SPDYA: variants seen among roughly 807,000 people sequenced by gnomAD.
SPDYA encodes speedy protein A.
In SPDYA, 11 loss-of-function variants were observed where a neutral mutation model predicts 36.7. The ratio of observed to expected loss-of-function variants is 0.30; its 90% CI spans 0.19 to 0.50. SPDYA has a LOEUF of 0.50. SPDYA is among the 20% of genes least tolerant of loss of function. The pLI is 0.98. For synonymous variants in SPDYA, 115 were observed against 118.7 expected, an observed-to-expected ratio of 0.97 and a Z score of 0.20; for missense variants, 287 against 370.9, an observed-to-expected ratio of 0.77 and a Z score of 1.86.
rs559349658 is a variant in SPDYA at position 28,832,944 on chromosome 2, G to A, written c.552+3625G>A. On this transcript the variant is annotated intron_variant, in intron 6 of 7. Transcript: ENST00000334056. The stretch of plus-strand genomic sequence containing the variant: ...CAGCCTTAACCTCCTAGACTCAAGC[G>A]ATCTCCTGCCTTAGCCTCCCAAGTA... Among the ~76,000 whole-genome samples, 12 of 149,760 alleles carry A rather than the reference G, an allele frequency of 8.0e-5. No homozygotes were observed. In the South Asian group the frequency reaches 8.5e-4, roughly 11 times the overall value.
chr2:28,825,117 G>A (rs1373059227), intron 5 of SPDYA, among the ~76,000 whole-genome samples: 3 of 152,170 alleles, frequency 2.0e-5, no homozygotes, highest in East Asian at 3.8e-4. Context: ...AAGCAGCAAA[G>A]CAGGGGCACA....
chr2:28,830,099 A>T (rs1668442704), intron 6 of SPDYA, among the ~76,000 whole-genome samples: 1 of 151,872 alleles, frequency 6.6e-6, no homozygotes, highest in Admixed American at 6.6e-5. Context: ...AGATGGTGCC[A>T]CTGTACTCCA....
chr2:28,825,030 AT>A (rs1668284032), intron 5 of SPDYA, among the ~76,000 whole-genome samples: 1 of 152,192 alleles, frequency 6.6e-6, no homozygotes, highest in Admixed American at 6.5e-5. Context: ...TATGAAATAA[AT>A]TTTTTATTAT....
chr2:28,819,919 G>A (rs1483732974), intron 4 of SPDYA, among the ~76,000 whole-genome samples: 3 of 126,980 alleles, frequency 2.4e-5, no homozygotes, highest in East Asian at 2.2e-4. Flanking sequence ...CCTGAGGCAG[G>A]AGGATTGCTT....
At chr2:28,819,277 G>A (rs1314092540) in intron 4 of SPDYA, among the ~76,000 whole-genome samples, 171 bp downstream of exon 4, 1 of 152,164 alleles carries the variant, frequency 6.6e-6, no homozygotes, top group East Asian at 1.9e-4. Flanking sequence ...GGGAGGCTGA[G>A]GTGGGTGGAT....
chr2:28,816,402 C>CA (rs1667984646), intron 3 of SPDYA, among the ~76,000 whole-genome samples, 153 bp downstream of exon 3: 1 of 150,432 alleles, frequency 6.6e-6, no homozygotes, highest in African/African-American at 2.4e-5. Flanking sequence ...TTTACTTAGT[C>CA]TTTTTTTTTC....
chr2:28,845,876 A>C (rs1263989245), intron 7 of SPDYA, among the ~76,000 whole-genome samples: 10 of 152,066 alleles, frequency 6.6e-5, no homozygotes, highest in African/African-American at 2.4e-4. Context: ...TAATCACCTT[A>C]TATATGTATT....
intron 5 of SPDYA, among the ~76,000 whole-genome samples, chr2:28,827,063 C>T (rs1003523090): frequency 6.6e-6 from 1 of 151,572 alleles, no homozygotes; most frequent in Non-Finnish European, 1.5e-5. Context: ...CTCAGCCTCC[C>T]GAGTAGCTGG....
intron 5 of SPDYA, among the ~76,000 whole-genome samples, chr2:28,827,432 C>G (rs1410372963): frequency 1.3e-5 from 2 of 152,070 alleles, no homozygotes; most frequent in Admixed American, 1.3e-4. Flanking sequence ...ATTATCTTTA[C>G]TGGAAATAGT....
At chr2:28,812,792 G>A (rs1379986804) in intron 1 of SPDYA, among the ~76,000 whole-genome samples, 1 of 145,448 alleles carries the variant, frequency 6.9e-6, no homozygotes, top group East Asian at 2.0e-4. Context: ...AGGAGGCGGA[G>A]GTTGCAGTGA....
intron 6 of SPDYA, among the ~76,000 whole-genome samples, chr2:28,839,798 G>GACCTGTCT (rs1668705834): frequency 6.6e-6 from 1 of 152,110 alleles, no homozygotes; most frequent in South Asian, 2.1e-4. Context: ...CACCGCGCCC[G>GACCTGTCT]GCCAATTAAC....
chr2:28,833,590 C>T (rs536265853), intron 6 of SPDYA, among the ~76,000 whole-genome samples: 2 of 152,102 alleles, frequency 1.3e-5, no homozygotes, highest in Non-Finnish European at 2.9e-5. Context: ...TGAATTTTGA[C>T]AAGGGTGCCA....
At chr2:28,849,805 G>T in intron 7 of SPDYA, 45 bp from the exon 8 acceptor site, 1 of 1,131,788 alleles carries the variant, frequency 8.8e-7, no homozygotes, top group South Asian at 1.4e-5. Context: ...TATTTAAAAT[G>T]GACAGATACA....
At chr2:28,840,662 A>G in intron 7 of SPDYA, 193 bp downstream of exon 7, 1 of 1,349,258 alleles carries the variant, frequency 7.4e-7, no homozygotes, top group Non-Finnish European at 9.5e-7. Context: ...CCACCTAAAC[A>G]GATTTTTAAT....
chr2:28,828,926 C>G (rs1365677870), intron 5 of SPDYA, among the ~76,000 whole-genome samples: 1 of 152,210 alleles, frequency 6.6e-6, no homozygotes, highest in Non-Finnish European at 1.5e-5. Flanking sequence ...AAGTAACTAA[C>G]TGCATCCCAG....
chr2:28,849,682 C>A lies in SPDYA; in HGVS notation c.851-168C>A, dbSNP rs557037222. The A allele has an allele frequency of 3.0e-4, 156 of 517,716 alleles. No homozygotes were observed. The East Asian group carries it at 5.4e-3, about 18-fold the overall frequency. The allele number at this position is 517,716 out of a possible 1,614,324, so 32.1% of individuals were successfully genotyped here. The stretch of plus-strand genomic sequence containing the variant: ...AAAGAGATTCAAGAGCCTGTTACAT[C>A]TTTTGTTACAATTTTTAAGGTGATT... On this transcript the variant is annotated intron_variant, in intron 7 of 7. Coordinates refer to ENST00000334056, the MANE Select transcript of SPDYA (RefSeq NM_182756.4).
At chr2:28,819,399 C>T (rs1668076919) in intron 4 of SPDYA, among the ~76,000 whole-genome samples, 1 of 151,560 alleles carries the variant, frequency 6.6e-6, no homozygotes, top group South Asian at 2.1e-4. Flanking sequence ...TTCCAGCCAC[C>T]CAGCTGAGGT....
In SPDYA at chr2:28,840,061, G is replaced by A. The variant is rs982629036; in HGVS notation, c.553-111G>A. On this transcript the variant is annotated intron_variant, in intron 6 of 7. Coordinates refer to ENST00000334056, the MANE Select transcript of SPDYA (RefSeq NM_182756.4). ...CTTTGTTTTTTAAATCAGCAATTTGGATTTTTATCTTCACTTTAGAGACAG... is the reference window on the plus strand; with the variant it reads ...CTTTGTTTTTTAAATCAGCAATTTGAATTTTTATCTTCACTTTAGAGACAG... 11 of 1,026,390 alleles carry A rather than the reference G, an allele frequency of 1.1e-5. No individual in the cohort carries two copies. The African/African-American group carries it at 1.8e-4, about 17-fold the overall frequency. The allele number at this position is 1,026,390 out of a possible 1,614,324, so 63.6% of individuals were successfully genotyped here. A position where few individuals can be genotyped will look rare whatever the true frequency, so the allele number is the denominator to read the frequency against.
chr2:28,850,140 T>C lies in SPDYA; in HGVS notation c.*199T>C. On this transcript the variant is annotated 3_prime_UTR_variant, in exon 8 of 8. Transcript: ENST00000334056. ...AATCTATGGAAGCAGTGATTTTCAA[T>C]ATAAAGTTCTATTTTGATATTTTTC... 1.4e-6 allele frequency: 2 copies of C among 1,464,260 alleles called. No individual in the cohort carries two copies. The highest frequency in any genetic ancestry group is 1.9e-6 in the Non-Finnish European group (2 of 1,057,738). 90.7% of individuals were successfully genotyped at this position (1,464,260 alleles called of 1,614,324 possible). A position where few individuals can be genotyped will look rare whatever the true frequency, so the allele number is the denominator to read the frequency against.
Sources: allele counts gnomAD v4.1 joint callset (sites outside exome capture counted in the v4.1 genomes callset), GRCh38; gene constraint gnomAD v4.1.1; transcripts MANE v1.5; gene names NCBI Gene and HGNC (gene_info 2026-07-23, HGNC 2026-07-21).